Variants in GAS2 observed in about 807,000 individuals in gnomAD.
GAS2 encodes growth arrest-specific protein 2.
A neutral mutation model predicts 37.5 loss-of-function variants in GAS2; 20 were observed. The observed-to-expected ratio is 0.53, with a 90% CI of 0.37 to 0.77. The LOEUF (loss-of-function observed/expected upper bound fraction) is 0.77, where lower values mean the gene tolerates loss of function less well. Among genes scored for constraint, GAS2 ranks in the 30% least tolerant of loss-of-function variants. The pLI is 0.00. For synonymous variants in GAS2, 144 were observed against 132.2 expected, an observed-to-expected ratio of 1.09 and a Z score of -0.61; for missense variants, 336 against 373.4, an observed-to-expected ratio of 0.90 and a Z score of 0.82.
At chr11:22,793,311 A>T (rs1362020568) in intron 7 of GAS2, among the ~76,000 whole-genome samples, 1 of 152,138 alleles carries the variant, frequency 6.6e-6, no homozygotes, top group Non-Finnish European at 1.5e-5. Context: ...AAAAAATTTT[A>T]AAAAGAACAT....
At chr11:22,655,229 G>A (rs1256045459) in intron 1 of GAS2, among the ~76,000 whole-genome samples, 1 of 152,088 alleles carries the variant, frequency 6.6e-6, no homozygotes, top group Non-Finnish European at 1.5e-5. Context: ...GATTCCCAGA[G>A]GCATACCTAA....
intron 7 of GAS2, among the ~76,000 whole-genome samples, chr11:22,801,643 C>T (rs1414783567): frequency 6.6e-6 from 1 of 152,004 alleles, no homozygotes; most frequent in African/African-American, 2.4e-5. Context: ...TGAAATAACA[C>T]AGCTCCTTAA....
intron 7 of GAS2, among the ~76,000 whole-genome samples, chr11:22,770,220 C>T (rs1383057869): frequency 6.6e-6 from 1 of 152,074 alleles, no homozygotes; most frequent in East Asian, 1.9e-4. Context: ...ACCTAGGTGA[C>T]AGCTTGATAG....
Position 22,637,435 on chromosome 11 carries a change from GTATA to G in GAS2, c.-21+11623_-21+11626del, listed in dbSNP as rs1565060841. 1.1e-4 allele frequency among the ~76,000 whole-genome samples: 4 copies of G among 36,832 alleles called. 1 individual carries two copies. The highest frequency in any genetic ancestry group is 6.6e-4 in the African/African-American group (4 of 6,032). 24.2% of individuals were successfully genotyped at this position (36,832 alleles called of 152,430 possible). On this transcript the variant is annotated intron_variant, in intron 1 of 5. Coordinates refer to the GAS2 transcript ENST00000528582. ...TAATATAATATTAATTATATTAATAGTATACTTAATATAATATTAATTATATTAA... is the reference window on the plus strand; with the variant it reads ...TAATATAATATTAATTATATTAATAGCTTAATATAATATTAATTATATTAA...
rs759098764 is a variant in GAS2 at position 22,812,829 on chromosome 11, T to A, written c.*813T>A. 12 of 152,268 alleles carry A rather than the reference T, an allele frequency of 7.9e-5. No homozygotes were observed. The highest frequency in any genetic ancestry group is 1.5e-4 in the Non-Finnish European group (10 of 68,016). The allele number at this position is 152,268 out of a possible 1,614,324, so 9.4% of individuals were successfully genotyped here. The stretch of plus-strand genomic sequence containing the variant: ...CATTTTCTTATTAAAAATATATCTT[T>A]AGTTAATCCTATTTTGCTATGCTTT... On this transcript the variant is annotated 3_prime_UTR_variant, in exon 8 of 8. Coordinates refer to ENST00000454584, the MANE Select transcript of GAS2 (RefSeq NM_001143830.3).
intron 7 of GAS2, among the ~76,000 whole-genome samples, chr11:22,796,629 A>C (rs1235168682): frequency 6.6e-6 from 1 of 152,248 alleles, no homozygotes; most frequent in Admixed American, 6.6e-5. Flanking sequence ...ATACATTAAA[A>C]CCAGTAGCAA....
At chr11:22,764,195 T>A (rs928975035) in intron 7 of GAS2, among the ~76,000 whole-genome samples, 2 of 152,178 alleles carry the variant, frequency 1.3e-5, no homozygotes, top group Admixed American at 1.3e-4. Context: ...AAAAAAATTT[T>A]AAAAATTCAA....
intron 1 of GAS2, among the ~76,000 whole-genome samples, chr11:22,631,449 GC>G (rs912334315): frequency 3.9e-5 from 6 of 151,976 alleles, no homozygotes; most frequent in African/African-American, 1.4e-4. Context: ...ATGAATGTTG[GC>G]TTTGGGTTTG....
chr11:22,677,559 C>T (rs1849486663), intron 2 of GAS2, among the ~76,000 whole-genome samples: 1 of 152,134 alleles, frequency 6.6e-6, no homozygotes, highest in African/African-American at 2.4e-5. Flanking sequence ...GCTATAATGT[C>T]CTATGACTTG....
At chr11:22,732,751 G>T (rs11026760) in intron 4 of GAS2, among the ~76,000 whole-genome samples, 77,892 of 149,890 alleles carry the variant, frequency 0.52, 23,315 homozygotes, top group Non-Finnish European at 0.67. Flanking sequence ...TCCAACATTC[G>T]CATTATTTCC....
chr11:22,696,980 G>A (rs879573716), intron 3 of GAS2, among the ~76,000 whole-genome samples: 1 of 149,786 alleles, frequency 6.7e-6, no homozygotes, highest in Non-Finnish European at 1.5e-5. Context: ...GGCTTTTGTT[G>A]CCATTGCTTT....
At chr11:22,753,192 C>T (rs904179448) in intron 6 of GAS2, among the ~76,000 whole-genome samples, 11 of 152,054 alleles carry the variant, frequency 7.2e-5, no homozygotes, top group Non-Finnish European at 8.8e-5. Context: ...AAAAAGAACA[C>T]CTGCCAGACT....
rs1280046580 is a variant in GAS2 at position 22,789,449 on chromosome 11, TATA to T, written c.724-22348_724-22346del. Among the ~76,000 whole-genome samples, 186 of 75,212 alleles carry T rather than the reference TATA, an allele frequency of 2.5e-3. 1 individual carries two copies. The highest frequency in any genetic ancestry group is 6.9e-3 in the African/African-American group (182 of 26,502). 49.3% of individuals were successfully genotyped at this position (75,212 alleles called of 152,430 possible). On this transcript the variant is annotated intron_variant, in intron 7 of 7. Coordinates refer to ENST00000454584, the MANE Select transcript of GAS2 (RefSeq NM_001143830.3). The stretch of plus-strand genomic sequence containing the variant: ...AGATATATATATATATATATATATA[TATA>T]TATTCTTTTTTTTTTTTTTTTTTTT...
intron 6 of GAS2, among the ~76,000 whole-genome samples, chr11:22,749,965 G>A (rs1351709703): frequency 6.6e-6 from 1 of 152,016 alleles, no homozygotes; most frequent in East Asian, 1.9e-4. Flanking sequence ...GAAAAGTAGT[G>A]TGCTTGAGTA....
chr11:22,785,230 A>G (rs879713301), intron 7 of GAS2, among the ~76,000 whole-genome samples: 17 of 152,168 alleles, frequency 1.1e-4, no homozygotes, highest in Non-Finnish European at 2.5e-4. Context: ...GTGCATCTTT[A>G]TAGTCCGCAT....
intron 3 of GAS2, among the ~76,000 whole-genome samples, chr11:22,700,982 T>A (rs1230889190): frequency 6.6e-6 from 1 of 152,226 alleles, no homozygotes; most frequent in Non-Finnish European, 1.5e-5. Flanking sequence ...TTTTGCTCAA[T>A]AAAATAGTTG....
chr11:22,789,780 A>G (rs1856052319), intron 7 of GAS2, among the ~76,000 whole-genome samples: 1 of 151,768 alleles, frequency 6.6e-6, no homozygotes, highest in South Asian at 2.1e-4. Context: ...ATGTATTTTT[A>G]ATGTAGTCTT....
chr11:22,749,264 A>G lies in GAS2; in HGVS notation c.615+3A>G. On this transcript the variant is annotated splice_donor_region_variant and intron_variant, in intron 6 of 7. Transcript: ENST00000454584. ...CAGGAAACTTACTGGATGATGCAGT[A>G]AGTAAAATCAGTCAGACTTCTTACC... is the stretch of plus-strand genomic sequence containing the variant. 1 of 1,609,578 alleles carries G rather than the reference A, an allele frequency of 6.2e-7. No homozygotes were observed. The highest frequency in any genetic ancestry group is 8.5e-7 in the Non-Finnish European group (1 of 1,178,072).
At chr11:22,696,498 G>T (rs1455880773) in intron 3 of GAS2, among the ~76,000 whole-genome samples, 2 of 151,948 alleles carry the variant, frequency 1.3e-5, no homozygotes, top group Non-Finnish European at 2.9e-5. Flanking sequence ...TCTAGTTCTA[G>T]ATCCCTGAGG....
Sources: allele counts gnomAD v4.1 joint callset (sites outside exome capture counted in the v4.1 genomes callset), GRCh38; gene constraint gnomAD v4.1.1; transcripts MANE v1.5; gene names NCBI Gene and HGNC (gene_info 2026-07-23, HGNC 2026-07-21).